Variants in SLC44A1 observed in about 807,000 individuals in gnomAD.
SLC44A1 encodes solute carrier family 44 member 1.
In SLC44A1, 26 loss-of-function variants were observed where a neutral mutation model predicts 79.3. The ratio of observed to expected loss-of-function variants is 0.33; its 90% CI spans 0.24 to 0.46. The LOEUF is 0.46. SLC44A1 is among the 20% of genes least tolerant of loss of function. The pLI is 1.00. For missense variants in SLC44A1, 688 were observed against 798.1 expected (o/e 0.86, Z 1.66); for synonymous variants, 263 against 286.2 (o/e 0.92, Z 0.82).
intron 1 of SLC44A1, among the ~76,000 whole-genome samples, chr9:105,249,715 A>C (rs975289605): frequency 2.7e-5 from 4 of 146,160 alleles, no homozygotes; most frequent in Non-Finnish European, 6.0e-5. Context: ...TTGTATTTTT[A>C]GTAGAGACGA....
At chr9:105,388,088 G>C (rs958045302) in intron 15 of SLC44A1, among the ~76,000 whole-genome samples, 7 of 152,076 alleles carry the variant, frequency 4.6e-5, no homozygotes, top group Non-Finnish European at 8.8e-5. Context: ...GCATTGTTCT[G>C]GTGCTTTGGA....
chr9:105,315,704 A>G (rs989677914), intron 3 of SLC44A1, among the ~76,000 whole-genome samples: 1 of 152,228 alleles, frequency 6.6e-6, no homozygotes, highest in African/African-American at 2.4e-5. Flanking sequence ...TTAAAGAGTT[A>G]CTGAATCTTA....
chr9:105,298,054 G>C (rs1830776149), intron 1 of SLC44A1, among the ~76,000 whole-genome samples: 1 of 151,624 alleles, frequency 6.6e-6, no homozygotes, highest in African/African-American at 2.4e-5. Flanking sequence ...ATTTCAGTTA[G>C]ATTTCCATTA....
rs1692874422 is a variant in SLC44A1, at chr9:105,394,362, C to A, written c.*5306C>A. On this transcript the variant is annotated 3_prime_UTR_variant, in exon 16 of 16. Coordinates refer to ENST00000374720, the MANE Select transcript of SLC44A1 (RefSeq NM_080546.5). The stretch of plus-strand genomic sequence containing the variant: ...TAATCTGAAGGAATAACAAGATGAT[C>A]AACACTGAATCTTCATGACAGTAAG... The A allele has an allele frequency of 3.0e-6, 3 of 984,548 alleles. No homozygotes were observed. Among genetic ancestry groups the A allele is most frequent in the Non-Finnish European group, 3.6e-6 (3 of 829,834 alleles). 61.0% of individuals were successfully genotyped at this position (984,548 alleles called of 1,614,324 possible). A position where few individuals can be genotyped will look rare whatever the true frequency, so the allele number is the denominator to read the frequency against.
intron 1 of SLC44A1, among the ~76,000 whole-genome samples, chr9:105,273,781 T>C (rs1830133030): frequency 6.6e-6 from 1 of 152,180 alleles, no homozygotes; most frequent in South Asian, 2.1e-4. Context: ...CTAAAATCAC[T>C]GTTTTTGCTT....
Position 105,273,570 on chromosome 9 carries a change from G to T in SLC44A1, c.37-25650G>T, listed in dbSNP as rs530216310. ...TGCTGGGCTCTTATATCATTTCATG[G>T]TGGATGATTTGTGTAAAATTGCAAC... On this transcript the variant is annotated intron_variant, in intron 1 of 15. Coordinates refer to ENST00000374720, the MANE Select transcript of SLC44A1 (RefSeq NM_080546.5). Among the ~76,000 whole-genome samples the T allele has an allele frequency of 2.6e-5, 4 of 152,220 alleles. No homozygotes were observed. In the South Asian group the frequency reaches 8.3e-4, roughly 32 times the overall value.
At chr9:105,250,824 A>G (rs1170469620) in intron 1 of SLC44A1, among the ~76,000 whole-genome samples, 5 of 152,184 alleles carry the variant, frequency 3.3e-5, no homozygotes, top group African/African-American at 4.8e-5. Flanking sequence ...CCTATTCCCA[A>G]AGATTCTTAT....
chr9:105,246,935 A>C (rs930117766), intron 1 of SLC44A1, among the ~76,000 whole-genome samples: 3 of 152,198 alleles, frequency 2.0e-5, no homozygotes, highest in Non-Finnish European at 4.4e-5. Context: ...CTTGTTCCAC[A>C]GATAAGATGC....
chr9:105,256,150 C>T (rs2131202549), intron 1 of SLC44A1, among the ~76,000 whole-genome samples: 1 of 152,068 alleles, frequency 6.6e-6, no homozygotes, highest in African/African-American at 2.4e-5. Flanking sequence ...GTAGCTGGGA[C>T]TGCAGGCATG....
intron 15 of SLC44A1, among the ~76,000 whole-genome samples, chr9:105,409,395 CAT>C (rs1246406816): frequency 6.6e-6 from 1 of 152,132 alleles, no homozygotes; most frequent in Non-Finnish European, 1.5e-5. Flanking sequence ...CAATTATAAA[CAT>C]ATGTGGGCCA....
At chr9:105,408,425 A>G (rs1829056475) in intron 15 of SLC44A1, among the ~76,000 whole-genome samples, 1 of 135,696 alleles carries the variant, frequency 7.4e-6, no homozygotes, top group South Asian at 2.1e-4. Context: ...TTGTTGTTGT[A>G]TTTGAGACGG....
At chr9:105,386,188 C>G in intron 15 of SLC44A1, 1 of 983,498 alleles carries the variant, frequency 1.0e-6, no homozygotes, top group Non-Finnish European at 1.2e-6. Flanking sequence ...CTCTACTCCA[C>G]TTTTATTTGA....
intron 2 of SLC44A1, among the ~76,000 whole-genome samples, chr9:105,305,351 A>T (rs1376241769): frequency 6.6e-6 from 1 of 151,782 alleles, no homozygotes; most frequent in Non-Finnish European, 1.5e-5. Flanking sequence ...TGGAAATCTG[A>T]CAGATTGATA....
chr9:105,253,973 G>C (rs391386), intron 1 of SLC44A1, among the ~76,000 whole-genome samples: 1 of 151,948 alleles, frequency 6.6e-6, no homozygotes. Flanking sequence ...TGCCTGCCTC[G>C]GCCTCCCAAA....
At chr9:105,261,556 G>A (rs945524078) in intron 1 of SLC44A1, among the ~76,000 whole-genome samples, 1 of 152,154 alleles carries the variant, frequency 6.6e-6, no homozygotes, top group Non-Finnish European at 1.5e-5. Context: ...TAAAAGAACC[G>A]AGAATATCGG....
Position 105,362,940 on chromosome 9 carries a change from G to T in SLC44A1, c.1020G>T (p.Trp340Cys). The T allele has an allele frequency of 6.2e-7, 1 of 1,613,822 alleles. No individual in the cohort carries two copies. Among genetic ancestry groups the T allele is most frequent in the Non-Finnish European group, 8.5e-7 (1 of 1,179,904 alleles). ...CACTGCTAGTCTTCCAACCCTTCTG[G>T]ACTTTCTTTGCTCTTGTCTTGTTTT... ...HLPLLVFQPFWTFFALVLFWV... is the reference protein window; with the variant it reads ...HLPLLVFQPFCTFFALVLFWV... Residue 340 changes from tryptophan (W) to cysteine (C), a missense_variant, in exon 9 of 16, where the codon TGG becomes TGT. By Grantham distance (215) the Trp-to-Cys change is radical. Coordinates refer to ENST00000374720, the MANE Select transcript of SLC44A1 (RefSeq NM_080546.5).
At position 105,393,076 on chromosome 9, in the gene SLC44A1, T is replaced by C. The variant is rs1828801887; in HGVS notation, c.*4020T>C. ...CCATCTGACACATACGAGTGCACTA[T>C]AATGGCTTGCCTAGAACTGGTAAGA... On this transcript the variant is annotated 3_prime_UTR_variant, in exon 16 of 16. Transcript: ENST00000374720. 1.0e-6 allele frequency: 1 copy of C among 985,316 alleles called. No individual in the cohort carries two copies. Among genetic ancestry groups the C allele is most frequent in the Non-Finnish European group, 1.2e-6 (1 of 829,904 alleles). The allele number at this position is 985,316 out of a possible 1,614,324, so 61.0% of individuals were successfully genotyped here.
intron 2 of SLC44A1, chr9:105,299,760 T>C: frequency 1.0e-6 from 1 of 986,712 alleles, no homozygotes; most frequent in Non-Finnish European, 1.2e-6. Flanking sequence ...CTGCCTTCTG[T>C]GTCTGCTGTA....
intron 1 of SLC44A1, among the ~76,000 whole-genome samples, chr9:105,251,173 G>A (rs1829576866): frequency 6.6e-6 from 1 of 152,166 alleles, no homozygotes; most frequent in South Asian, 2.1e-4. Flanking sequence ...AACTCAGCAT[G>A]TTTAAATCTG....
Sources: gnomAD v4.1 joint callset for allele counts (sites outside exome capture counted in the v4.1 genomes callset) on GRCh38, gnomAD v4.1.1 for gene constraint, MANE v1.5 for transcripts, NCBI Gene and HGNC (gene_info 2026-07-23, HGNC 2026-07-21) for gene names.